ABHD2: variants seen among roughly 807,000 people sequenced by gnomAD.
ABHD2 encodes abhydrolase domain containing 2, acylglycerol lipase.
A neutral mutation model predicts 48.1 loss-of-function variants in ABHD2; 20 were observed. That is an observed-to-expected ratio of 0.42 (90% confidence interval 0.29 to 0.60). The LOEUF is 0.60. Ranked by LOEUF, ABHD2 falls within the 20% of genes least tolerant of loss-of-function variation. The pLI, the probability that ABHD2 is intolerant of heterozygous loss-of-function variation, is 0.24. For synonymous variants in ABHD2, 209 were observed against 214.2 expected (o/e 0.98, Z 0.21); for missense variants, 405 against 550.9 (o/e 0.74, Z 2.65).
At chr15:89,059,119 T>G in the ABHD2 span, among the ~76,000 whole-genome samples, 1 of 152,158 alleles carries the variant, frequency 6.6e-6, no homozygotes, top group Non-Finnish European at 1.5e-5. Context: ...AATGGAAATT[T>G]TCTCTCCTCT....
the ABHD2 span, among the ~76,000 whole-genome samples, chr15:89,074,929 A>G: frequency 3.9e-5 from 6 of 152,272 alleles, no homozygotes; most frequent in African/African-American, 1.4e-4. Flanking sequence ...CTACAGCGGT[A>G]CCAATTCCTG....
At chr15:89,089,714 T>G (rs1289292897) in intron 1 of ABHD2, among the ~76,000 whole-genome samples, 1 of 151,826 alleles carries the variant, frequency 6.6e-6, no homozygotes, top group South Asian at 2.1e-4. Flanking sequence ...TTAAGCAGAG[T>G]CCAAAAGAGA....
chr15:89,099,714 G>A (rs2049670436), intron 1 of ABHD2, among the ~76,000 whole-genome samples: 1 of 152,024 alleles, frequency 6.6e-6, no homozygotes, highest in Non-Finnish European at 1.5e-5. Flanking sequence ...GAGGCCAGGA[G>A]TTCAAGACCA....
At chr15:89,123,461 C>T (rs2050082986) in intron 3 of ABHD2, among the ~76,000 whole-genome samples, 1 of 152,112 alleles carries the variant, frequency 6.6e-6, no homozygotes, top group South Asian at 2.1e-4. Flanking sequence ...CGTGGGGAGG[C>T]ATTTGTAAAA....
Position 89,201,097 on chromosome 15 carries a change from G to T in ABHD2, c.*5674G>T. 1.0e-6 allele frequency: 1 copy of T among 975,890 alleles called. No homozygotes were observed. Among genetic ancestry groups the T allele is most frequent in the South Asian group, 1.3e-5 (1 of 77,590 alleles). 60.5% of individuals were successfully genotyped at this position (975,890 alleles called of 1,614,324 possible). ...GACTCCGTCTCCAAAAAAAGAAAAG[G>T]AATCCAGTGAAAATGGCTGCAATTA... On this transcript the variant is annotated 3_prime_UTR_variant, in exon 11 of 11. Coordinates refer to ENST00000352732, the MANE Select transcript of ABHD2 (RefSeq NM_152924.5).
At chr15:89,160,240 G>C (rs2050741313) in intron 5 of ABHD2, among the ~76,000 whole-genome samples, 1 of 152,186 alleles carries the variant, frequency 6.6e-6, no homozygotes, top group East Asian at 1.9e-4. Context: ...CTGGTTAATT[G>C]AGGCAGGTCC....
chr15:89,071,074 G>T, the ABHD2 span, among the ~76,000 whole-genome samples: 1 of 152,010 alleles, frequency 6.6e-6, no homozygotes, highest in Non-Finnish European at 1.5e-5. Flanking sequence ...CCTCAGTAGG[G>T]AAGGCACCAG....
chr15:89,076,060 C>T, the ABHD2 span, among the ~76,000 whole-genome samples: 1 of 152,200 alleles, frequency 6.6e-6, no homozygotes, highest in Non-Finnish European at 1.5e-5. Context: ...ACCCACACGT[C>T]CCCTTTCTCC....
At chr15:89,112,508 T>A (rs1388507089) in intron 1 of ABHD2, among the ~76,000 whole-genome samples, 1 of 152,204 alleles carries the variant, frequency 6.6e-6, no homozygotes, top group African/African-American at 2.4e-5. Context: ...TGGTCCTCTA[T>A]GACTAATTTG....
At chr15:89,161,771 C>T (rs2050765644) in intron 5 of ABHD2, among the ~76,000 whole-genome samples, 1 of 152,220 alleles carries the variant, frequency 6.6e-6, no homozygotes, top group African/African-American at 2.4e-5. Context: ...CAGTGTGCAT[C>T]ACTAAGATAC....
At position 89,116,445 on chromosome 15, in the gene ABHD2, GCCCCA is replaced by G; in HGVS notation, c.121_125del (p.Pro41Ter). Reference sequence around the variant, plus strand: ...GTGTTTGAACCTGAAGAGCCCCACAGCCCCACCTGACCTCTACTTCCAGGACTCGG... The same window carrying G: ...GTGTTTGAACCTGAAGAGCCCCACAGCCTGACCTCTACTTCCAGGACTCGG... On this transcript the variant is annotated frameshift_variant, in exon 3 of 11. Coordinates refer to ENST00000352732, the MANE Select transcript of ABHD2 (RefSeq NM_152924.5). LOFTEE classifies it high-confidence loss of function. This position sits in a 1 kb window ranked among gnomAD's most constrained non-coding sequence, Gnocchi z 4.6. 1 of 1,614,210 alleles carries G rather than the reference GCCCCA, an allele frequency of 6.2e-7. No individual in the cohort carries two copies. The highest frequency in any genetic ancestry group is 8.5e-7 in the Non-Finnish European group (1 of 1,180,038).
rs2049755961 is a variant in ABHD2, at chr15:89,104,730, T to TG, written c.-106-8992dup. Among the ~76,000 whole-genome samples, 1 of 152,238 alleles carries TG rather than the reference T, an allele frequency of 6.6e-6. No homozygotes were observed. The highest frequency in any genetic ancestry group is 1.5e-5 in the Non-Finnish European group (1 of 68,036). On this transcript the variant is annotated intron_variant, in intron 1 of 10. Coordinates refer to ENST00000352732, the MANE Select transcript of ABHD2 (RefSeq NM_152924.5). This position sits in a 1 kb window ranked among gnomAD's most constrained non-coding sequence, Gnocchi z 4.4. ...TTCAGGCAACGGTTGTGCCAGGCAC[T>TG]GGGTCTTGCCCTCCCACCCCCATCT...
At chr15:89,118,883 A>T (rs1414478837) in intron 3 of ABHD2, among the ~76,000 whole-genome samples, 1 of 152,008 alleles carries the variant, frequency 6.6e-6, no homozygotes, top group Non-Finnish European at 1.5e-5. Flanking sequence ...TTCCCTCTCT[A>T]GCACATTTTC....
At chr15:89,187,777 C>A (rs1419805805) in intron 7 of ABHD2, among the ~76,000 whole-genome samples, 1 of 152,214 alleles carries the variant, frequency 6.6e-6, no homozygotes, top group Non-Finnish European at 1.5e-5. Context: ...CCACTCCTTC[C>A]TGCACACTGA....
intron 1 of ABHD2, among the ~76,000 whole-genome samples, chr15:89,105,860 CT>C (rs908168370): frequency 1.7e-3 from 241 of 145,752 alleles, no homozygotes; most frequent in Middle Eastern, 7.1e-3. Flanking sequence ...GAGAGGAGGT[CT>C]TTTTTTTTTT....
the ABHD2 span, among the ~76,000 whole-genome samples, chr15:89,057,006 C>G: frequency 0.17 from 25,892 of 150,698 alleles, 2,363 homozygotes; most frequent in Admixed American, 0.19. Context: ...CTCCGCCTCC[C>G]GGGTTCAAGC....
At chr15:89,144,360 T>C (rs1016261901) in intron 3 of ABHD2, among the ~76,000 whole-genome samples, 2 of 152,284 alleles carry the variant, frequency 1.3e-5, no homozygotes, top group Admixed American at 1.3e-4. Context: ...CTCAAACTCC[T>C]GACCTCAAGT....
In ABHD2 at chr15:89,175,054, GAA is replaced by G. The variant is rs921655021; in HGVS notation, c.539-757_539-756del. On this transcript the variant is annotated intron_variant, in intron 5 of 10. Coordinates refer to ENST00000352732, the MANE Select transcript of ABHD2 (RefSeq NM_152924.5). This position sits in a 1 kb window ranked among gnomAD's most constrained non-coding sequence, Gnocchi z 5.7. Reference sequence around the variant, plus strand: ...AGCATCCTGGCAGTCCCTCTGGACTGAAGTTTATCTTTCCTCTCCTTTCCAAC... The same window carrying G: ...AGCATCCTGGCAGTCCCTCTGGACTGGTTTATCTTTCCTCTCCTTTCCAAC... Among the ~76,000 whole-genome samples, 1 of 152,140 alleles carries G rather than the reference GAA, an allele frequency of 6.6e-6. No homozygotes were observed.
intron 1 of ABHD2, among the ~76,000 whole-genome samples, chr15:89,111,926 C>T (rs1034816893): frequency 6.6e-6 from 1 of 151,470 alleles, no homozygotes; most frequent in African/African-American, 2.4e-5. Flanking sequence ...ATCATTTTTT[C>T]TAGGGATTTT....
Sources: allele counts gnomAD v4.1 joint callset (sites outside exome capture counted in the v4.1 genomes callset), GRCh38; gene constraint gnomAD v4.1.1; non-coding constraint Gnocchi (gnomAD v3.1); transcripts MANE v1.5; gene names NCBI Gene and HGNC (gene_info 2026-07-23, HGNC 2026-07-21).